The following CCNB1 variants were observed in gnomAD, a reference collection of about 807,000 sequenced individuals.
CCNB1 encodes the protein cyclin B1.
In CCNB1, 26 loss-of-function variants were observed where a neutral mutation model predicts 44.4. The observed-to-expected ratio is 0.59, with a 90% confidence interval of 0.43 to 0.81. The LOEUF (loss-of-function observed/expected upper bound fraction) is 0.81, where lower values mean the gene tolerates loss of function less well. Among genes scored for constraint, CCNB1 ranks in the 40% least tolerant of loss-of-function variants. The pLI, the probability that CCNB1 is intolerant of heterozygous loss-of-function variation, is 0.00. For missense variants in CCNB1, 477 were observed against 520.9 expected, an observed-to-expected ratio of 0.92 and a Z score of 0.82; for synonymous variants, 195 against 181.4, an observed-to-expected ratio of 1.08 and a Z score of -0.60.
At chr5:69,174,799 C>T in intron 5 of CCNB1, 78 bp from the exon 6 acceptor site, 2 of 1,123,972 alleles carry the variant, frequency 1.8e-6, no homozygotes, top group Non-Finnish European at 2.7e-6. Flanking sequence ...GGGAGAATGT[C>T]TTTCTACCTC....
chr5:69,175,414 T>C lies in CCNB1; in HGVS notation c.960T>C (p.His320=). Residue 320 remains histidine, a synonymous_variant, in exon 7 of 9, where the codon CAT becomes CAC. Transcript: ENST00000256442. ...SKIGEVDVEQ[H]TLAKYLMELT... is the part of the protein sequence containing the mutation. Reference sequence around the variant, plus strand: ...TGTTTCAGGTTGATGTCGAGCAACATACTTTGGCCAAATACCTGATGGAAC... The same window carrying C: ...TGTTTCAGGTTGATGTCGAGCAACACACTTTGGCCAAATACCTGATGGAAC... 1 of 1,613,364 alleles carries C rather than the reference T, an allele frequency of 6.2e-7. No individual in the cohort carries two copies. Among genetic ancestry groups the C allele is most frequent in the East Asian group, 2.2e-5 (1 of 44,878 alleles).
intron 6 of CCNB1, 23 bp from the exon 7 acceptor site, chr5:69,175,374 C>T: frequency 1.2e-6 from 2 of 1,608,422 alleles, no homozygotes; most frequent in South Asian, 1.1e-5. Flanking sequence ...GAAAGAAACT[C>T]AGTAACATGG....
intron 1 of CCNB1, 84 bp downstream of exon 1, chr5:69,167,367 C>G (rs754321230): frequency 6.6e-7 from 1 of 1,507,552 alleles, no homozygotes; most frequent in African/African-American, 1.4e-5. Flanking sequence ...GCCTCCCGAG[C>G]GGGAGAGGGC....
chr5:69,175,165 G>A, intron 6 of CCNB1, 52 bp downstream of exon 6: 1 of 1,328,746 alleles, frequency 7.5e-7, no homozygotes, highest in Non-Finnish European at 1.1e-6. Context: ...GGGGAACACT[G>A]CTGCTGACCA....
chr5:69,167,442 G>A, intron 1 of CCNB1, 159 bp downstream of exon 1: 2 of 696,986 alleles, frequency 2.9e-6, no homozygotes, highest in Non-Finnish European at 5.0e-6. Flanking sequence ...GGTGGGCCCA[G>A]GCCTGGTGAG....
At chr5:69,174,136 A>G in intron 4 of CCNB1, 115 bp from the exon 5 acceptor site, 4 of 795,944 alleles carry the variant, frequency 5.0e-6, no homozygotes, top group Non-Finnish European at 8.0e-6. Context: ...TGAATTAAGA[A>G]CTGATATAGA....
At position 69,167,281 on chromosome 5, in the gene CCNB1, A is replaced by G. The variant is rs1376024902; in HGVS notation, c.19A>G (p.Arg7Gly). 27 of 1,585,406 alleles carry G rather than the reference A, an allele frequency of 1.7e-5. No homozygotes were observed. The highest frequency in any genetic ancestry group is 2.2e-5 in the Non-Finnish European group (26 of 1,168,614). The change falls in exon 1 of 9, where the codon AGG becomes GGG. Residue 7 changes from arginine to glycine, a missense_variant and splice_region_variant. Transcript: ENST00000256442. The stretch of plus-strand genomic sequence containing the variant: ...GGAAGCCATGGCGCTCCGAGTCACC[A>G]GGGTGAGCCGCTTCGGACTGCGAAC... The part of the protein sequence containing the change: MALRVT[R>G]NSKINAENKA...
intron 5 of CCNB1, 71 bp downstream of exon 5, chr5:69,174,480 C>T (rs927760815): frequency 1.4e-5 from 20 of 1,468,982 alleles, no homozygotes; most frequent in Admixed American, 7.1e-5. Context: ...GTTTTCAGGC[C>T]AGTCTGGGCG....
intron 1 of CCNB1, 103 bp downstream of exon 1, chr5:69,167,386 C>A: frequency 7.3e-7 from 1 of 1,363,132 alleles, no homozygotes; most frequent in Non-Finnish European, 1.0e-6. Context: ...GCCGCAGGAG[C>A]GATTTGGGGA....
intron 7 of CCNB1, among the ~76,000 whole-genome samples, chr5:69,176,690 G>T (rs1004827593): frequency 6.6e-6 from 1 of 151,286 alleles, no homozygotes; most frequent in African/African-American, 2.4e-5. Context: ...CTTAAGAATA[G>T]AACTATGTAG....
At chr5:69,172,864 C>G (rs1043951093) in intron 4 of CCNB1, among the ~76,000 whole-genome samples, 1 of 149,556 alleles carries the variant, frequency 6.7e-6, no homozygotes, top group African/African-American at 2.5e-5. Flanking sequence ...AGCTCTGTCT[C>G]CCGGGTTCAC....
intron 7 of CCNB1, among the ~76,000 whole-genome samples, chr5:69,176,807 T>A (rs528893930): frequency 1.3e-5 from 2 of 151,650 alleles, no homozygotes; most frequent in African/African-American, 4.8e-5. Flanking sequence ...GGTGAAACCC[T>A]ATCTCTACTA....
intron 1 of CCNB1, 143 bp downstream of exon 1, chr5:69,167,426 C>A: frequency 1.2e-6 from 1 of 846,050 alleles, no homozygotes; most frequent in Non-Finnish European, 1.9e-6. Flanking sequence ...ACCAAGAGAG[C>A]GCCGAGGTGG....
At chr5:69,169,183 G>C (rs1489475206) in intron 3 of CCNB1, among the ~76,000 whole-genome samples, 2 of 152,068 alleles carry the variant, frequency 1.3e-5, no homozygotes. Flanking sequence ...CAATTTTCCT[G>C]CCTCAGCCTC....
At chr5:69,177,175 A>T (rs1747614148) in intron 7 of CCNB1, 64 bp from the exon 8 acceptor site, 4 of 897,436 alleles carry the variant, frequency 4.5e-6, no homozygotes, top group South Asian at 2.8e-5. Flanking sequence ...AACATCTAAC[A>T]TCTAGAAACT....
At chr5:69,174,564 G>A (rs996617057) in intron 5 of CCNB1, among the ~76,000 whole-genome samples, 155 bp downstream of exon 5, 4 of 151,990 alleles carry the variant, frequency 2.6e-5, no homozygotes, top group Non-Finnish European at 5.9e-5. Flanking sequence ...CCTGGCCAAC[G>A]CAGTAAAACC....
rs912022658 is a variant in CCNB1, at chr5:69,177,767, T to C, written c.*136T>C. On this transcript the variant is annotated 3_prime_UTR_variant, in exon 9 of 9. Coordinates refer to ENST00000256442, the MANE Select transcript of CCNB1 (RefSeq NM_031966.4). The stretch of plus-strand genomic sequence containing the variant: ...TTTTTTATAGCTTAACTAATTTGAA[T>C]GTGGTTACTTCCTACTGTAGGGTAG... 7 of 602,050 alleles carry C rather than the reference T, an allele frequency of 1.2e-5. No individual in the cohort carries two copies. The Admixed American group carries it at 1.3e-4, about 12-fold the overall frequency. 37.3% of individuals were successfully genotyped at this position (602,050 alleles called of 1,614,324 possible).
chr5:69,167,222 T>G lies in CCNB1; in HGVS notation c.-41T>G. The G allele has an allele frequency of 1.3e-6, 2 of 1,539,214 alleles. No individual in the cohort carries two copies. Among genetic ancestry groups the G allele is most frequent in the Non-Finnish European group, 1.8e-6 (2 of 1,142,330 alleles). ...TTGGCTGGTCGGGCCTCCGGTGTTCTGCTTCTCCCCGCTGAGCTGCTGCCT... is the reference window on the plus strand; with the variant it reads ...TTGGCTGGTCGGGCCTCCGGTGTTCGGCTTCTCCCCGCTGAGCTGCTGCCT... On this transcript the variant is annotated 5_prime_UTR_variant, in exon 1 of 9. Transcript: ENST00000256442.
chr5:69,174,793 G>A, intron 5 of CCNB1, 84 bp from the exon 6 acceptor site: 2 of 1,050,604 alleles, frequency 1.9e-6, no homozygotes, highest in Non-Finnish European at 2.9e-6. Context: ...TGCTATGGGA[G>A]AATGTCTTTC....
Sources: allele counts gnomAD v4.1 joint callset (sites outside exome capture counted in the v4.1 genomes callset), GRCh38; gene constraint gnomAD v4.1.1; transcripts MANE v1.5; gene names NCBI Gene and HGNC (gene_info 2026-07-23, HGNC 2026-07-21).